Variants in TIAM1 observed in about 807,000 individuals in gnomAD.
TIAM1 encodes the protein TIAM Rac1 associated GEF 1.
A neutral mutation model predicts 163.5 loss-of-function variants in TIAM1; 65 were observed. That is an observed-to-expected ratio of 0.40 (90% confidence interval 0.33 to 0.49). TIAM1 has a LOEUF of 0.49. Among genes scored for constraint, TIAM1 ranks in the 20% least tolerant of loss-of-function variants. The pLI, the probability that TIAM1 is intolerant of heterozygous loss-of-function variation, is 0.77. For synonymous variants in TIAM1, 833 were observed against 810.1 expected (o/e 1.03, Z -0.48); for missense variants, 1,789 against 2,044.7 (o/e 0.87, Z 2.41).
intron 2 of TIAM1, among the ~76,000 whole-genome samples, chr21:31,374,066 C>T (rs1053224251): frequency 6.6e-6 from 1 of 152,070 alleles, no homozygotes; most frequent in Non-Finnish European, 1.5e-5. Flanking sequence ...CCCCTGAAAC[C>T]ACCAGCCATG....
At chr21:31,499,790 C>CA (rs1185239102) in intron 1 of TIAM1, among the ~76,000 whole-genome samples, 1 of 151,504 alleles carries the variant, frequency 6.6e-6, no homozygotes, top group South Asian at 2.1e-4. Context: ...GCAGAGGTTG[C>CA]AGTGAGCCAA....
At chr21:31,520,288 G>T (rs112155019) in intron 1 of TIAM1, among the ~76,000 whole-genome samples, 2 of 149,524 alleles carry the variant, frequency 1.3e-5, no homozygotes, top group Non-Finnish European at 3.0e-5. Flanking sequence ...CTGAGATCGC[G>T]CCATTGCACT....
At chr21:31,508,682 G>A (rs1354343002) in intron 1 of TIAM1, among the ~76,000 whole-genome samples, 2 of 152,044 alleles carry the variant, frequency 1.3e-5, no homozygotes, top group Non-Finnish European at 2.9e-5. Context: ...AAACCACCGC[G>A]CCCAGACTCA....
intron 13 of TIAM1, among the ~76,000 whole-genome samples, chr21:31,189,109 G>A (rs2085438958): frequency 7.2e-6 from 1 of 138,130 alleles, no homozygotes; most frequent in South Asian, 2.4e-4. Flanking sequence ...GGCTGGAGTG[G>A]AGTGGTGCGA....
rs375192468 is a variant in TIAM1, at chr21:31,154,408, C to T, written c.3010G>A (p.Ala1004Thr). 1.6e-5 allele frequency: 26 copies of T among 1,613,784 alleles called. No homozygotes were observed. The highest frequency in any genetic ancestry group is 4.5e-5 in the East Asian group (2 of 44,892). Reference protein sequence around the residue: ...HSSKSTEQVAAFCRSLHEMNP... With the variant: ...HSSKSTEQVATFCRSLHEMNP... ...ATCTCATGCAAACTGCGGCAAAATG[C>T]GGCCACCTGTTCTGTACTCTTCGGA... is the stretch of plus-strand genomic sequence containing the variant. Residue 1004 changes from alanine to threonine, a missense_variant, in exon 17 of 28, where the codon GCA becomes ACA. By Grantham distance (58) the Ala-to-Thr change is moderately conservative (BLOSUM62 0). This residue lies in a region of TIAM1 where 303 missense variants were observed against 321.3 expected (regional missense o/e 0.94). Coordinates refer to ENST00000541036, the MANE Select transcript of TIAM1 (RefSeq NM_001353694.2).
chr21:31,273,590 C>T (rs774933343), intron 3 of TIAM1, among the ~76,000 whole-genome samples: 1 of 152,190 alleles, frequency 6.6e-6, no homozygotes, highest in Non-Finnish European at 1.5e-5. Context: ...ACAATCTGAA[C>T]CAAGTCAGGT....
At chr21:31,409,787 G>T (rs958666020) in intron 2 of TIAM1, among the ~76,000 whole-genome samples, 1 of 152,216 alleles carries the variant, frequency 6.6e-6, no homozygotes, top group Non-Finnish European at 1.5e-5. Context: ...CTCCCTGGTG[G>T]GGGGCAGGGG....
At chr21:31,193,907 G>C (rs878988489) in intron 13 of TIAM1, among the ~76,000 whole-genome samples, 2 of 152,090 alleles carry the variant, frequency 1.3e-5, no homozygotes. Context: ...CATGGCCCCC[G>C]CCAGGCAAAG....
chr21:31,179,177 G>A (rs1396556995), intron 15 of TIAM1, among the ~76,000 whole-genome samples: 3 of 151,264 alleles, frequency 2.0e-5, no homozygotes, highest in Non-Finnish European at 3.0e-5. Context: ...ACCCGATTTC[G>A]GGAGTTCGAG....
chr21:31,170,107 GT>G (rs2084430679), intron 15 of TIAM1, among the ~76,000 whole-genome samples: 1 of 152,086 alleles, frequency 6.6e-6, no homozygotes, highest in Non-Finnish European at 1.5e-5. Context: ...TAAACTTCAT[GT>G]TTAGATTATA....
intron 16 of TIAM1, among the ~76,000 whole-genome samples, chr21:31,155,346 G>C (rs1394203624): frequency 6.6e-6 from 1 of 152,204 alleles, no homozygotes; most frequent in Non-Finnish European, 1.5e-5. Context: ...ATGCACACCA[G>C]AGATCAATTT....
intron 11 of TIAM1, 31 bp from the exon 12 acceptor site, chr21:31,203,043 T>A (rs1205528274): frequency 1.3e-6 from 2 of 1,552,328 alleles, no homozygotes; most frequent in Middle Eastern, 1.7e-4. Context: ...AGAAAGAAAA[T>A]GTCTGTTCAA....
chr21:31,436,215 C>G (rs1463541204), intron 2 of TIAM1, among the ~76,000 whole-genome samples: 4 of 152,170 alleles, frequency 2.6e-5, no homozygotes, highest in Non-Finnish European at 5.9e-5. Context: ...ACTGCAGGCT[C>G]CCCCAAGGAC....
Position 31,333,915 on chromosome 21 carries a change from A to G in TIAM1, c.-189+5328T>C, listed in dbSNP as rs1007172845. Among the ~76,000 whole-genome samples, 3 of 152,196 alleles carry G rather than the reference A, an allele frequency of 2.0e-5. No homozygotes were observed. In the East Asian group the frequency reaches 5.8e-4, roughly 29 times the overall value. On this transcript the variant is annotated intron_variant, in intron 2 of 27. Transcript: ENST00000541036. ...GCTAACCATACCACCCTCCCCCCCAAAAAATTAATATGAAGCATAGTAACT... is the reference window on the plus strand; with the variant it reads ...GCTAACCATACCACCCTCCCCCCCAGAAAATTAATATGAAGCATAGTAACT...
intron 2 of TIAM1, among the ~76,000 whole-genome samples, chr21:31,401,568 C>T (rs2077164874): frequency 6.6e-6 from 1 of 152,166 alleles, no homozygotes; most frequent in African/African-American, 2.4e-5. Context: ...CATACATACA[C>T]CCTTGCATCC....
chr21:31,218,318 A>G (rs999765104), intron 8 of TIAM1, among the ~76,000 whole-genome samples: 1 of 152,174 alleles, frequency 6.6e-6, no homozygotes, highest in African/African-American at 2.4e-5. Flanking sequence ...CTGTAATCCC[A>G]GCACTTTAGG....
intron 2 of TIAM1, among the ~76,000 whole-genome samples, chr21:31,437,622 G>T (rs2044257305): frequency 6.6e-6 from 1 of 152,110 alleles, no homozygotes; most frequent in African/African-American, 2.4e-5. Context: ...GAGGTGACTG[G>T]ATCACGAGGG....
intron 2 of TIAM1, among the ~76,000 whole-genome samples, chr21:31,424,854 C>T (rs2043727211): frequency 6.6e-6 from 1 of 151,772 alleles, no homozygotes; most frequent in South Asian, 2.1e-4. Flanking sequence ...AGTTCGAGAC[C>T]AGCCTGACCA....
intron 2 of TIAM1, among the ~76,000 whole-genome samples, chr21:31,286,760 C>A (rs2073826425): frequency 2.6e-5 from 4 of 151,882 alleles, no homozygotes; most frequent in Admixed American, 2.6e-4. Context: ...GAAATTCTTC[C>A]CACAGATTTT....
Sources: allele counts gnomAD v4.1 joint callset (sites outside exome capture counted in the v4.1 genomes callset), GRCh38; gene constraint gnomAD v4.1.1; regional missense constraint gnomAD v4.1.1; transcripts MANE v1.5; gene names NCBI Gene and HGNC (gene_info 2026-07-23, HGNC 2026-07-21).